Variants in SMARCC1 observed in about 807,000 individuals in gnomAD.
SMARCC1 encodes SWI/SNF related BAF chromatin remodeling complex subunit C1.
A neutral mutation model predicts 147.4 loss-of-function variants in SMARCC1; 43 were observed. That is an observed-to-expected ratio of 0.29 (90% CI 0.23 to 0.38). The LOEUF is 0.38. Ranked by LOEUF, SMARCC1 falls within the 10% of genes least tolerant of loss-of-function variation. The pLI is 1.00. For synonymous variants in SMARCC1, 495 were observed against 484.4 expected (o/e 1.02, Z -0.29); for missense variants, 1,119 against 1,381.1 (o/e 0.81, Z 3.01).
In SMARCC1 at chr3:47,590,642, C is replaced by A; in HGVS notation, c.3220+19G>T. On this transcript the variant is annotated intron_variant, in intron 27 of 27. Coordinates refer to ENST00000254480, the MANE Select transcript of SMARCC1 (RefSeq NM_003074.4). ...AGAACGGACCCTGAGATAATGCATC[C>A]CCCCTCCATGTTACTTACACATGCC... 6.7e-7 allele frequency: 1 copy of A among 1,491,726 alleles called. No homozygotes were observed. The highest frequency in any genetic ancestry group is 2.5e-5 in the East Asian group (1 of 39,752). 92.4% of individuals were successfully genotyped at this position (1,491,726 alleles called of 1,614,324 possible).
At chr3:47,762,423 G>A (rs1198163479) in intron 2 of SMARCC1, among the ~76,000 whole-genome samples, 2 of 152,166 alleles carry the variant, frequency 1.3e-5, no homozygotes, top group Non-Finnish European at 2.9e-5. Flanking sequence ...CTGCCATGAG[G>A]TCAGTCATAC....
chr3:47,757,103 T>C (rs1468729277), intron 2 of SMARCC1, among the ~76,000 whole-genome samples: 1 of 151,868 alleles, frequency 6.6e-6, no homozygotes, highest in African/African-American at 2.4e-5. Flanking sequence ...CAGAAAAAAT[T>C]ATCCGGGTGT....
chr3:47,618,498 T>C (rs2032679295), intron 25 of SMARCC1, among the ~76,000 whole-genome samples: 1 of 151,842 alleles, frequency 6.6e-6, no homozygotes. Context: ...CAGTGAGCTA[T>C]GACTGCACCA....
At chr3:47,729,168 C>T (rs911121593) in intron 5 of SMARCC1, 74 bp from the exon 6 acceptor site, 11 of 877,660 alleles carry the variant, frequency 1.3e-5, no homozygotes, top group Non-Finnish European at 2.0e-5. Context: ...GATACAAATT[C>T]CATACAAATT....
intron 2 of SMARCC1, among the ~76,000 whole-genome samples, chr3:47,754,385 T>A (rs1490802626): frequency 6.6e-6 from 1 of 152,056 alleles, no homozygotes; most frequent in African/African-American, 2.4e-5. Context: ...GTATTTTTAG[T>A]AGAGACAGGG....
chr3:47,654,719 A>G (rs545329476), intron 21 of SMARCC1, among the ~76,000 whole-genome samples: 1 of 152,314 alleles, frequency 6.6e-6, no homozygotes, highest in East Asian at 1.9e-4. Flanking sequence ...AAGAAGAGAA[A>G]CCTGAGGAGG....
At chr3:47,666,762 A>T (rs1262538522) in intron 19 of SMARCC1, among the ~76,000 whole-genome samples, 1 of 152,004 alleles carries the variant, frequency 6.6e-6, no homozygotes, top group Non-Finnish European at 1.5e-5. Flanking sequence ...AGCTATTGTT[A>T]GTGTTAGTGT....
intron 25 of SMARCC1, chr3:47,610,822 G>A (rs1446638247): frequency 6.2e-6 from 1 of 161,826 alleles, no homozygotes; most frequent in Non-Finnish European, 1.4e-5. Context: ...CATAACACCA[G>A]AGTTAAATTA....
At chr3:47,635,801 T>G (rs1462651516) in intron 23 of SMARCC1, among the ~76,000 whole-genome samples, 2 of 152,220 alleles carry the variant, frequency 1.3e-5, no homozygotes, top group East Asian at 3.8e-4. Context: ...TTCAATACTG[T>G]TGAATAACTT....
At chr3:47,667,922 A>C (rs1057466376) in intron 19 of SMARCC1, among the ~76,000 whole-genome samples, 1 of 152,184 alleles carries the variant, frequency 6.6e-6, no homozygotes, top group South Asian at 2.1e-4. Context: ...CACGTCTGTA[A>C]TCTAAGTACT....
At chr3:47,613,159 T>C (rs1220480802) in intron 25 of SMARCC1, among the ~76,000 whole-genome samples, 3 of 152,180 alleles carry the variant, frequency 2.0e-5, no homozygotes, top group Non-Finnish European at 4.4e-5. Context: ...ACTGTATGTA[T>C]GCATGTGTAA....
intron 21 of SMARCC1, among the ~76,000 whole-genome samples, chr3:47,647,859 A>T (rs2033138546): frequency 6.6e-6 from 1 of 152,184 alleles, no homozygotes; most frequent in Non-Finnish European, 1.5e-5. Flanking sequence ...CCATGTCCTT[A>T]TTTGAACTTT....
At chr3:47,612,735 A>T (rs954199008) in intron 25 of SMARCC1, among the ~76,000 whole-genome samples, 6 of 152,194 alleles carry the variant, frequency 3.9e-5, no homozygotes, top group African/African-American at 9.7e-5. Context: ...AAGGTAATTT[A>T]AAAAAAGTAA....
At chr3:47,770,623 C>CA (rs1315622790) in intron 2 of SMARCC1, among the ~76,000 whole-genome samples, 1 of 150,932 alleles carries the variant, frequency 6.6e-6, no homozygotes, top group African/African-American at 2.4e-5. Context: ...ACTTTGACTC[C>CA]AAAAAAAAGA....
chr3:47,712,434 G>C (rs2034097289), intron 8 of SMARCC1, among the ~76,000 whole-genome samples: 1 of 151,796 alleles, frequency 6.6e-6, no homozygotes, highest in Non-Finnish European at 1.5e-5. Flanking sequence ...TAAAAGAGCT[G>C]AATTTTCACA....
intron 2 of SMARCC1, among the ~76,000 whole-genome samples, chr3:47,762,599 T>C (rs1362149613): frequency 6.6e-6 from 1 of 152,206 alleles, no homozygotes; most frequent in Non-Finnish European, 1.5e-5. Context: ...TTCCACCAAA[T>C]CACGTAACAA....
At chr3:47,754,353 C>A (rs1368290676) in intron 2 of SMARCC1, among the ~76,000 whole-genome samples, 2 of 152,168 alleles carry the variant, frequency 1.3e-5, no homozygotes, top group South Asian at 2.1e-4. Flanking sequence ...CAGGCGCGCA[C>A]CACCACGCCC....
Position 47,736,114 on chromosome 3 carries a change from T to A in SMARCC1, c.496A>T (p.Thr166Ser), listed in dbSNP as rs532378048. The A allele has an allele frequency of 4.7e-5, 74 of 1,578,190 alleles. 2 individuals are homozygous for A. In the South Asian group the frequency reaches 7.3e-4, roughly 16 times the overall value. ...EKTLVQNNCL[T>S]RPNIYLIPDI... ...GGAATGAGGTAGATGTTGGGTCTGG[T>A]CAAACAATTGTTCTGAGGATGAAAA... is the stretch of plus-strand genomic sequence containing the variant. Residue 166 changes from threonine (T) to serine (S), a missense_variant, in exon 5 of 28, where the codon ACC (threonine) becomes TCC (serine). By Grantham distance (58) the Thr-to-Ser change is moderately conservative. Coordinates refer to ENST00000254480, the MANE Select transcript of SMARCC1 (RefSeq NM_003074.4).
At chr3:47,627,879 G>A (rs1490664038) in intron 24 of SMARCC1, among the ~76,000 whole-genome samples, 5 of 151,582 alleles carry the variant, frequency 3.3e-5, no homozygotes, top group Admixed American at 6.6e-5. Context: ...ACACCACCAC[G>A]CCTGGCCAAC....
Sources: gnomAD v4.1 joint callset for allele counts (sites outside exome capture counted in the v4.1 genomes callset) on GRCh38, gnomAD v4.1.1 for gene constraint, MANE v1.5 for transcripts, NCBI Gene and HGNC (gene_info 2026-07-23, HGNC 2026-07-21) for gene names.